Variants in SCN7A observed in about 807,000 individuals in gnomAD.
SCN7A encodes the protein sodium voltage-gated channel alpha subunit 7, also known as sodium channel protein type 7 subunit alpha.
In SCN7A, 138 loss-of-function variants were observed where a neutral mutation model predicts 155.2. The observed-to-expected ratio is 0.89, with a 90% CI of 0.77 to 1.02. The LOEUF is 1.02. SCN7A is among the 50% of genes least tolerant of loss of function. The pLI is 0.00. For synonymous variants in SCN7A, 693 were observed against 649.0 expected, an observed-to-expected ratio of 1.07 and a Z score of -1.03; for missense variants, 2,058 against 1,986.6, an observed-to-expected ratio of 1.04 and a Z score of -0.68.
chr2:166,460,523 C>T (rs1199954305), intron 10 of SCN7A, among the ~76,000 whole-genome samples: 1 of 152,048 alleles, frequency 6.6e-6, no homozygotes, highest in Non-Finnish European at 1.5e-5. Flanking sequence ...AACTAAAACA[C>T]CACAATCTAA....
intron 9 of SCN7A, among the ~76,000 whole-genome samples, chr2:166,463,064 C>T (rs979605583): frequency 2.0e-4 from 31 of 152,232 alleles, no homozygotes; most frequent in East Asian, 3.9e-4. Context: ...GAAAATAGTA[C>T]TGATACAACT....
At chr2:166,441,028 G>T in intron 15 of SCN7A, 1 of 335,584 alleles carries the variant, frequency 3.0e-6, no homozygotes, top group Non-Finnish European at 5.3e-6. Flanking sequence ...TATATTTCTG[G>T]AATTTTCCAC....
In SCN7A at chr2:166,412,540, T is replaced by C. The variant is rs754256455; in HGVS notation, c.3596A>G (p.His1199Arg). Reference protein sequence around the residue: ...ITVIIDNFNKHKIKLGGSNIF... With the variant: ...ITVIIDNFNKRKIKLGGSNIF... Reference sequence around the variant, plus strand: ...AATATTTATACTTATCTTTATTTTATGCTTGTTGAAATTATCAATAATAAC... The same window carrying C: ...AATATTTATACTTATCTTTATTTTACGCTTGTTGAAATTATCAATAATAAC... Residue 1199 changes from histidine (H) to arginine (R), a missense_variant, in exon 23 of 26, where the codon CAT (histidine) becomes CGT (arginine). By Grantham distance (29) the His-to-Arg change is conservative. Coordinates refer to ENST00000643258, the MANE Select transcript of SCN7A (RefSeq NM_002976.4). 7 of 1,478,324 alleles carry C rather than the reference T, an allele frequency of 4.7e-6. No individual in the cohort carries two copies. Among genetic ancestry groups the C allele is most frequent in the South Asian group, 2.9e-5 (2 of 68,330 alleles). 91.6% of individuals were successfully genotyped at this position (1,478,324 alleles called of 1,614,324 possible).
intron 9 of SCN7A, among the ~76,000 whole-genome samples, chr2:166,463,638 G>A (rs1437204968): frequency 1.3e-5 from 2 of 152,102 alleles, no homozygotes; most frequent in Admixed American, 1.3e-4. Context: ...GGTCATATTT[G>A]AGCTTGGAAT....
At chr2:166,452,410 G>T (rs531697377) in intron 11 of SCN7A, among the ~76,000 whole-genome samples, 2 of 151,924 alleles carry the variant, frequency 1.3e-5, no homozygotes, top group South Asian at 4.2e-4. Flanking sequence ...ATAATTTTTT[G>T]TCCTTCAGAT....
At position 166,475,754 on chromosome 2, in the gene SCN7A, T is replaced by C. The variant is rs186953883; in HGVS notation, c.235-1410A>G. On this transcript the variant is annotated intron_variant, in intron 3 of 25. Transcript: ENST00000643258. ...TAAGAGCTGAAACTGTTTTGTTAATTATAAAAGTATTTATTTTATGCCACT... is the reference window on the plus strand; with the variant it reads ...TAAGAGCTGAAACTGTTTTGTTAATCATAAAAGTATTTATTTTATGCCACT... Among the ~76,000 whole-genome samples the C allele has an allele frequency of 3.4e-3, 523 of 152,122 alleles. 5 individuals carry two copies. Among genetic ancestry groups the C allele is most frequent in the Non-Finnish European group, 5.9e-3 (400 of 67,906 alleles).
At chr2:166,438,467 T>C (rs1701884036) in intron 15 of SCN7A, among the ~76,000 whole-genome samples, 1 of 152,184 alleles carries the variant, frequency 6.6e-6, no homozygotes, top group Admixed American at 6.5e-5. Context: ...TGAACCTATG[T>C]TTCTTTGATT....
At position 166,444,297 on chromosome 2, in the gene SCN7A, C is replaced by T. The variant is rs146744751; in HGVS notation, c.1626+465G>A. ...AAAGGACTGGTGAATCTCAAAAATA[C>T]CAGGCTAAAATGGTAAGTTCCAATC... On this transcript the variant is annotated intron_variant, in intron 13 of 25. Transcript: ENST00000643258. 2.3e-3 allele frequency among the ~76,000 whole-genome samples: 357 copies of T among 152,250 alleles called. 1 individual carries two copies. Among genetic ancestry groups the T allele is most frequent in the Non-Finnish European group, 3.6e-3 (246 of 68,002 alleles).
chr2:166,421,277 T>C lies in SCN7A; in HGVS notation c.3048A>G (p.Ile1016Met). 1 of 1,530,476 alleles carries C rather than the reference T, an allele frequency of 6.5e-7. No homozygotes were observed. Among genetic ancestry groups the C allele is most frequent in the South Asian group, 1.3e-5 (1 of 78,598 alleles). 94.8% of individuals were successfully genotyped at this position (1,530,476 alleles called of 1,614,324 possible). ...GTTTTAGTTCTTCCCGAGTTTTGCC[T>C]ATTAAGCTAAGACAAAACACCTATA... ...VVVIVFCLSL[I>M]GKTREELKPL... is the part of the protein sequence containing the mutation. Residue 1016 changes from isoleucine to methionine, a missense_variant, in exon 20 of 26, where the codon ATA becomes ATG. Physicochemically the swap from Ile to Met is conservative, Grantham distance 10 (BLOSUM62 1). Transcript: ENST00000643258.
intron 12 of SCN7A, among the ~76,000 whole-genome samples, chr2:166,446,301 A>G (rs1435388597): frequency 6.6e-6 from 1 of 152,182 alleles, no homozygotes; most frequent in Non-Finnish European, 1.5e-5. Context: ...ATAGAAATGC[A>G]AATCAAAACC....
intron 20 of SCN7A, among the ~76,000 whole-genome samples, chr2:166,420,300 A>C (rs1559093096): frequency 6.6e-6 from 1 of 152,124 alleles, no homozygotes; most frequent in South Asian, 2.1e-4. Flanking sequence ...GTTAAACGTT[A>C]ATAATTTTCT....
At position 166,406,368 on chromosome 2, in the gene SCN7A, CA is replaced by C; in HGVS notation, c.4260del (p.Phe1420LeufsTer66). The C allele has an allele frequency of 6.2e-7, 1 of 1,613,056 alleles. No homozygotes were observed. Among genetic ancestry groups the C allele is most frequent in the South Asian group, 1.1e-5 (1 of 91,064 alleles). ...TGAAAAAGACAGAGCATACTGTTGC[CA>C]AAGGTTTCAAAATTAGACACATCAT... is the stretch of plus-strand genomic sequence containing the variant. The part of the protein sequence containing the change: ...GINDVSNFET[F>X]GNSMLCLFQV... On this transcript the variant is annotated frameshift_variant, in exon 26 of 26. Transcript: ENST00000643258. LOFTEE classifies it high-confidence loss of function.
chr2:166,489,183 C>T (rs1326200915), intron 1 of SCN7A, among the ~76,000 whole-genome samples: 4 of 152,132 alleles, frequency 2.6e-5, no homozygotes, highest in South Asian at 2.1e-4. Context: ...TGTGCTCATA[C>T]GGAAAGTTTC....
chr2:166,439,437 T>C lies in SCN7A; in HGVS notation c.2157+1959A>G, dbSNP rs187122233. Reference sequence around the variant, plus strand: ...GATATAATACAAAGATATGAGGCTTTAGACTGCAGCAGCCATCTTGATAAA... The same window carrying C: ...GATATAATACAAAGATATGAGGCTTCAGACTGCAGCAGCCATCTTGATAAA... On this transcript the variant is annotated intron_variant, in intron 15 of 25. Coordinates refer to ENST00000643258, the MANE Select transcript of SCN7A (RefSeq NM_002976.4). Among the ~76,000 whole-genome samples the C allele has an allele frequency of 1.8e-3, 267 of 152,222 alleles. 1 individual carries two copies. Among genetic ancestry groups the C allele is most frequent in the African/African-American group, 6.3e-3 (261 of 41,554 alleles).
chr2:166,452,519 T>C (rs185916842), intron 11 of SCN7A, among the ~76,000 whole-genome samples: 1 of 152,326 alleles, frequency 6.6e-6, no homozygotes, highest in African/African-American at 2.4e-5. Flanking sequence ...AAACTCTTTA[T>C]ATCCAGTGCT....
rs1701961948 is a variant in SCN7A at position 166,441,603 on chromosome 2, A to G, written c.1950T>C (p.Gly650=). The part of the protein sequence containing the change: ...FSAAFGMKLF[G]KNYEEFVCHI... Reference sequence around the variant, plus strand: ...GGCAGACAAATTCTTCATAATTCTTACCAAACAGCTTCATGCCGAATGCAG... The same window carrying G: ...GGCAGACAAATTCTTCATAATTCTTGCCAAACAGCTTCATGCCGAATGCAG... Residue 650 remains glycine, a synonymous_variant, in exon 15 of 26, where the codon GGT becomes GGC. Transcript: ENST00000643258. The G allele has an allele frequency of 6.2e-7, 1 of 1,613,922 alleles. No homozygotes were observed. The highest frequency in any genetic ancestry group is 1.1e-5 in the South Asian group (1 of 91,080).
intron 2 of SCN7A, among the ~76,000 whole-genome samples, chr2:166,482,784 A>C (rs1392614852): frequency 3.3e-5 from 5 of 151,756 alleles, no homozygotes; most frequent in Admixed American, 2.0e-4. Flanking sequence ...AAATGCAAGC[A>C]CTTATCAAAT....
chr2:166,430,375 AC>A (rs1196077411), intron 16 of SCN7A, among the ~76,000 whole-genome samples: 9 of 152,094 alleles, frequency 5.9e-5, no homozygotes, highest in African/African-American at 1.7e-4. Context: ...TATTTCCATT[AC>A]TTTTATATAT....
chr2:166,432,144 A>G (rs544397588), intron 16 of SCN7A, among the ~76,000 whole-genome samples, 174 bp downstream of exon 16: 1 of 152,204 alleles, frequency 6.6e-6, no homozygotes, highest in South Asian at 2.1e-4. Context: ...AAGCTTGGAA[A>G]GTTTAAGTAA....
Sources: allele counts gnomAD v4.1 joint callset (sites outside exome capture counted in the v4.1 genomes callset), GRCh38; gene constraint gnomAD v4.1.1; transcripts MANE v1.5; gene names NCBI Gene and HGNC (gene_info 2026-07-23, HGNC 2026-07-21).